The following NDUFAF2 variants were observed in gnomAD, a reference collection of about 807,000 sequenced individuals.
NDUFAF2 encodes the protein NADH:ubiquinone oxidoreductase complex assembly factor 2, also known as NADH dehydrogenase [ubiquinone] 1 alpha subcomplex assembly factor 2.
NDUFAF2 carries 13 observed loss-of-function variants against 22.8 expected under a neutral mutation model. The observed-to-expected ratio is 0.57, with a 90% confidence interval of 0.37 to 0.91. The LOEUF is 0.91. Among genes scored for constraint, NDUFAF2 ranks in the 40% least tolerant of loss-of-function variants. The pLI is 0.01. For synonymous variants in NDUFAF2, 53 were observed against 64.2 expected (o/e 0.83, Z 0.84); for missense variants, 162 against 195.2 (o/e 0.83, Z 1.01).
intron 1 of NDUFAF2, among the ~76,000 whole-genome samples, chr5:60,955,337 C>G (rs1191210251): frequency 6.6e-6 from 1 of 152,164 alleles, no homozygotes; most frequent in Non-Finnish European, 1.5e-5. Flanking sequence ...CTTTTCTTCA[C>G]TGTGTGTTCT....
chr5:61,085,413 AG>A (rs368146167), intron 2 of NDUFAF2, among the ~76,000 whole-genome samples: 5 of 152,148 alleles, frequency 3.3e-5, no homozygotes, highest in Non-Finnish European at 7.4e-5. Context: ...AAGGGCATTA[AG>A]GGGGGAAAAA....
At chr5:61,052,553 G>A (rs969189964) in intron 1 of NDUFAF2, among the ~76,000 whole-genome samples, 1 of 152,024 alleles carries the variant, frequency 6.6e-6, no homozygotes, top group Non-Finnish European at 1.5e-5. Flanking sequence ...CTCGTGATCC[G>A]CCCGCCTCGG....
chr5:61,101,384 A>G (rs536667848), intron 3 of NDUFAF2, among the ~76,000 whole-genome samples: 46 of 152,290 alleles, frequency 3.0e-4, no homozygotes, highest in African/African-American at 1.1e-3. Context: ...TGTACATTAT[A>G]GTTTAGACTT....
At chr5:60,952,001 A>C (rs1750554001) in intron 1 of NDUFAF2, among the ~76,000 whole-genome samples, 1 of 151,074 alleles carries the variant, frequency 6.6e-6, no homozygotes, top group Non-Finnish European at 1.5e-5. Context: ...TGTTGAATTT[A>C]CAGTCATAAA....
intron 3 of NDUFAF2, among the ~76,000 whole-genome samples, chr5:61,111,935 T>C (rs1216000986): frequency 2.0e-5 from 3 of 151,740 alleles, no homozygotes; most frequent in Non-Finnish European, 2.9e-5. Context: ...TTTGTATTTT[T>C]TGTAGTAGAG....
At chr5:61,055,632 G>A (rs1163366598) in intron 1 of NDUFAF2, among the ~76,000 whole-genome samples, 2 of 152,142 alleles carry the variant, frequency 1.3e-5, no homozygotes, top group African/African-American at 4.8e-5. Context: ...AGAATAGTTA[G>A]GTTGTTCTGC....
chr5:61,035,855 A>G (rs1751794123), intron 1 of NDUFAF2, among the ~76,000 whole-genome samples: 1 of 152,216 alleles, frequency 6.6e-6, no homozygotes, highest in African/African-American at 2.4e-5. Context: ...ATCTTGAAAT[A>G]GCAAAAATTT....
intron 1 of NDUFAF2, among the ~76,000 whole-genome samples, chr5:60,961,705 G>T (rs1043270405): frequency 1.3e-5 from 2 of 150,410 alleles, no homozygotes; most frequent in African/African-American, 4.9e-5. Context: ...GGCAGAGGTT[G>T]CAGTGAGCCG....
chr5:61,064,767 T>C (rs1174432368), intron 1 of NDUFAF2, among the ~76,000 whole-genome samples: 1 of 151,862 alleles, frequency 6.6e-6, no homozygotes, highest in Non-Finnish European at 1.5e-5. Context: ...TTAATGCCTA[T>C]GTTAAAAAGA....
At chr5:60,983,933 A>G (rs574432830) in intron 1 of NDUFAF2, among the ~76,000 whole-genome samples, 1,866 of 152,006 alleles carry the variant, frequency 0.012, 14 homozygotes, top group South Asian at 0.027. Flanking sequence ...CCAATTCTGT[A>G]AAGAAAGTCA....
intron 1 of NDUFAF2, among the ~76,000 whole-genome samples, chr5:60,998,744 C>G (rs1751258791): frequency 6.6e-6 from 1 of 151,638 alleles, no homozygotes; most frequent in African/African-American, 2.4e-5. Context: ...TGAAACCTTT[C>G]TCTGGCTTCC....
chr5:60,959,728 T>C (rs895807815), intron 1 of NDUFAF2, among the ~76,000 whole-genome samples: 1 of 152,100 alleles, frequency 6.6e-6, no homozygotes, highest in East Asian at 1.9e-4. Context: ...AAATAGTAAT[T>C]TAAAAGTTTT....
At chr5:61,126,056 A>C (rs1237429906) in intron 3 of NDUFAF2, among the ~76,000 whole-genome samples, 1 of 152,066 alleles carries the variant, frequency 6.6e-6, no homozygotes, top group Non-Finnish European at 1.5e-5. Flanking sequence ...TCTGCTTAAA[A>C]TAAGTGTCAT....
At chr5:61,001,596 C>T (rs1005321588) in intron 1 of NDUFAF2, among the ~76,000 whole-genome samples, 2 of 152,022 alleles carry the variant, frequency 1.3e-5, no homozygotes, top group Non-Finnish European at 2.9e-5. Context: ...AATCATGTCT[C>T]GGAAAATATT....
chr5:60,980,482 A>C (rs995023481), intron 1 of NDUFAF2, among the ~76,000 whole-genome samples: 1 of 152,170 alleles, frequency 6.6e-6, no homozygotes, highest in Non-Finnish European at 1.5e-5. Flanking sequence ...AATTAAAAAG[A>C]TCAAGCAGGG....
Position 61,090,197 on chromosome 5 carries a change from T to C in NDUFAF2, c.218-8795T>C, listed in dbSNP as rs554914238. On this transcript the variant is annotated intron_variant, in intron 2 of 3. Transcript: ENST00000296597. ...TATTTTTCGCTAAAGGGATTATACT[T>C]AATTGTAGCCCTGGCACAGGAGTTG... 1.4e-3 allele frequency among the ~76,000 whole-genome samples: 220 copies of C among 152,262 alleles called. 2 individuals carry two copies. The highest frequency in any genetic ancestry group is 5.1e-3 in the African/African-American group (213 of 41,570).
chr5:61,074,869 C>T (rs1263165023), intron 2 of NDUFAF2, among the ~76,000 whole-genome samples: 1 of 152,158 alleles, frequency 6.6e-6, no homozygotes, highest in African/African-American at 2.4e-5. Context: ...AGGAAATTTA[C>T]AATCATGGCA....
intron 3 of NDUFAF2, among the ~76,000 whole-genome samples, chr5:61,150,347 C>G (rs1025947102): frequency 6.6e-6 from 1 of 152,032 alleles, no homozygotes; most frequent in African/African-American, 2.4e-5. Flanking sequence ...TTCAGAAAAA[C>G]AAAAGGAAAT....
chr5:60,956,371 T>C (rs2112565168), intron 1 of NDUFAF2, among the ~76,000 whole-genome samples: 1 of 152,298 alleles, frequency 6.6e-6, no homozygotes, highest in East Asian at 1.9e-4. Context: ...TTGCTCTTGC[T>C]AGAACTTCTG....
Sources: allele counts gnomAD v4.1 joint callset (sites outside exome capture counted in the v4.1 genomes callset), GRCh38; gene constraint gnomAD v4.1.1; transcripts MANE v1.5; gene names NCBI Gene and HGNC (gene_info 2026-07-23, HGNC 2026-07-21).